The following DNAJB13 variants were observed in gnomAD, a reference collection of about 807,000 sequenced individuals.
The protein encoded by DNAJB13 is dnaJ homolog subfamily B member 13.
Under a neutral mutation model 35.6 loss-of-function variants are expected in DNAJB13, and 22 were observed. The observed-to-expected ratio is 0.62, with a 90% CI of 0.44 to 0.88. The LOEUF (loss-of-function observed/expected upper bound fraction) is 0.88, where lower values mean the gene tolerates loss of function less well. Among genes scored for constraint, DNAJB13 ranks in the 40% least tolerant of loss-of-function variants. The probability of loss-of-function intolerance (pLI) is 0.00; values close to 1 mark genes in which losing one functional copy is unlikely to be tolerated. For synonymous variants in DNAJB13, 136 were observed against 144.2 expected (o/e 0.94, Z 0.41); for missense variants, 370 against 384.3 (o/e 0.96, Z 0.31).
At chr11:73,965,062 G>A in intron 4 of DNAJB13, 27 bp downstream of exon 4, 1 of 1,536,952 alleles carries the variant, frequency 6.5e-7, no homozygotes, top group Non-Finnish European at 8.7e-7. Context: ...CTCCTCCCGG[G>A]AGCCACCTAT....
At chr11:73,967,100 G>A (rs544074604) in intron 5 of DNAJB13, among the ~76,000 whole-genome samples, 1 of 152,146 alleles carries the variant, frequency 6.6e-6, no homozygotes, top group Non-Finnish European at 1.5e-5. Context: ...TGATCCACCT[G>A]TCTCGGCCTC....
At chr11:73,969,209 C>G (rs777997276) in intron 6 of DNAJB13, 37 bp from the exon 7 acceptor site, 5 of 786,258 alleles carry the variant, frequency 6.4e-6, no homozygotes, top group Admixed American at 2.3e-5. Context: ...CCATGGTGAC[C>G]CTCCTCAGCC....
chr11:73,968,518 G>A (rs1351646052), intron 6 of DNAJB13, 60 bp downstream of exon 6: 11 of 1,461,382 alleles, frequency 7.5e-6, no homozygotes, highest in Middle Eastern at 1.8e-4. Flanking sequence ...TGCCTGCCCC[G>A]GCCTAGACTT....
intron 3 of DNAJB13, among the ~76,000 whole-genome samples, chr11:73,960,053 C>T (rs751933538): frequency 5.9e-5 from 9 of 152,118 alleles, no homozygotes; most frequent in Non-Finnish European, 1.2e-4. Context: ...CAGGCATGAG[C>T]CACCGTGCCC....
chr11:73,968,368 C>T lies in DNAJB13; in HGVS notation c.630C>T (p.Asp210=), dbSNP rs896909277. 1 of 1,614,168 alleles carries T rather than the reference C, an allele frequency of 6.2e-7. No homozygotes were observed. Among genetic ancestry groups the T allele is most frequent in the Non-Finnish European group, 8.5e-7 (1 of 1,180,026 alleles). ...AGGGCCCCAACATCATCCCAGCAGACATCATTTTCATCGTAAAGGAGAAGC... is the reference window on the plus strand; with the variant it reads ...AGGGCCCCAACATCATCCCAGCAGATATCATTTTCATCGTAAAGGAGAAGC... The part of the protein sequence containing the change: ...GDQGPNIIPA[D]IIFIVKEKLH... The change falls in exon 6 of 8, where the codon GAC becomes GAT. Residue 210 remains aspartate, a synonymous_variant. Coordinates refer to ENST00000339764, the MANE Select transcript of DNAJB13 (RefSeq NM_153614.4).
At chr11:73,969,886 G>T in intron 7 of DNAJB13, 75 bp from the exon 8 acceptor site, 1 of 1,517,784 alleles carries the variant, frequency 6.6e-7, no homozygotes, top group Non-Finnish European at 8.9e-7. Context: ...ATGTGAGTAG[G>T]GGTTATATGA....
intron 6 of DNAJB13, 54 bp downstream of exon 6, chr11:73,968,512 T>TG: frequency 6.7e-7 from 1 of 1,494,848 alleles, no homozygotes; most frequent in Non-Finnish European, 9.2e-7. Flanking sequence ...GAGCCCTGCC[T>TG]GCCCCGGCCT....
At chr11:73,958,469 A>G (rs1950824323) in intron 2 of DNAJB13, 49 bp downstream of exon 2, 1 of 1,546,670 alleles carries the variant, frequency 6.5e-7, no homozygotes, top group African/African-American at 1.4e-5. Flanking sequence ...ATCATTCCTT[A>G]AGTCTCTAGA....
chr11:73,959,376 C>T (rs1038657775), intron 2 of DNAJB13, 118 bp from the exon 3 acceptor site: 15 of 1,196,602 alleles, frequency 1.3e-5, no homozygotes. Flanking sequence ...ACAGCAGGCA[C>T]TTTGGGATCA....
chr11:73,964,599 A>T, intron 3 of DNAJB13: 2 of 357,042 alleles, frequency 5.6e-6, no homozygotes, highest in Non-Finnish European at 1.0e-5. Context: ...GTGGGGGGGG[A>T]ATGTCCCAAG....
At chr11:73,964,532 A>C in intron 3 of DNAJB13, 1 of 265,218 alleles carries the variant, frequency 3.8e-6, no homozygotes, top group South Asian at 3.6e-5. Flanking sequence ...TTCCTGAGAC[A>C]GCCAGAGTTA....
chr11:73,964,802 TGTGTGTGTGTGC>T lies in DNAJB13; in HGVS notation c.335-74_335-63del, dbSNP rs758549388. 174 of 773,916 alleles carry T rather than the reference TGTGTGTGTGTGC, an allele frequency of 2.2e-4. 1 individual carries two copies. The highest frequency in any genetic ancestry group is 1.0e-3 in the African/African-American group (39 of 39,124). The allele number at this position is 773,916 out of a possible 1,614,324, so 47.9% of individuals were successfully genotyped here. ...GTGTGTGTGTGTGTGTGTGTGTGTG[TGTGTGTGTGTGC>T]GCGCGCGCGCATGTCTGGGTCTCTG... On this transcript the variant is annotated intron_variant, in intron 3 of 7. Transcript: ENST00000339764.
intron 3 of DNAJB13, 109 bp from the exon 4 acceptor site, chr11:73,964,769 G>C (rs182533459): frequency 0.02 from 3,165 of 160,088 alleles, 70 homozygotes; most frequent in African/African-American, 0.12. Flanking sequence ...GGGAGGCTGT[G>C]TGTGTGTGTG....
chr11:73,963,569 T>TC (rs1042916395), intron 3 of DNAJB13: 3 of 152,352 alleles, frequency 2.0e-5, no homozygotes, highest in Admixed American at 6.5e-5. Context: ...GAGTCCCATC[T>TC]CCCTGCAGGG....
chr11:73,954,633 A>G (rs1950685087), intron 1 of DNAJB13, among the ~76,000 whole-genome samples: 1 of 130,826 alleles, frequency 7.6e-6, no homozygotes, highest in Admixed American at 7.5e-5. Flanking sequence ...CCGTCTCAAA[A>G]AAAAAAAATA....
chr11:73,958,925 C>T (rs1950840785), intron 2 of DNAJB13, among the ~76,000 whole-genome samples: 2 of 152,164 alleles, frequency 1.3e-5, no homozygotes, highest in Admixed American at 1.3e-4. Context: ...AAGTGTGATC[C>T]CCGCCCCGGC....
At chr11:73,954,719 G>A (rs1255507044) in intron 1 of DNAJB13, among the ~76,000 whole-genome samples, 1 of 152,204 alleles carries the variant, frequency 6.6e-6, no homozygotes, top group East Asian at 1.9e-4. Context: ...ACTTTGGGAG[G>A]ACGAGGCAGG....
chr11:73,953,346 G>GA (rs1196039437), intron 1 of DNAJB13, among the ~76,000 whole-genome samples: 4 of 152,160 alleles, frequency 2.6e-5, no homozygotes, highest in African/African-American at 4.8e-5. Flanking sequence ...ACGAGCCGCA[G>GA]AAAAAACCTC....
intron 4 of DNAJB13, 160 bp from the exon 5 acceptor site, chr11:73,965,978 G>A: frequency 3.0e-6 from 2 of 666,822 alleles, no homozygotes; most frequent in Non-Finnish European, 2.6e-6. Context: ...ATTGCTGGAG[G>A]CTCTTCCCAT....
Sources: gnomAD v4.1 joint callset for allele counts (sites outside exome capture counted in the v4.1 genomes callset) on GRCh38, gnomAD v4.1.1 for gene constraint, MANE v1.5 for transcripts, NCBI Gene and HGNC (gene_info 2026-07-23, HGNC 2026-07-21) for gene names.